ECT2: variants seen among roughly 807,000 people sequenced by gnomAD.
ECT2 encodes the protein epithelial cell transforming 2.
ECT2 carries 61 observed loss-of-function variants against 116.9 expected under a neutral mutation model. The ratio of observed to expected loss-of-function variants is 0.52; its 90% CI spans 0.42 to 0.65. ECT2 has a LOEUF of 0.65. Ranked by LOEUF, ECT2 falls within the 30% of genes least tolerant of loss-of-function variation. The pLI is 0.00. For synonymous variants in ECT2, 358 were observed against 346.4 expected (o/e 1.03, Z -0.37); for missense variants, 937 against 1,078.7 (o/e 0.87, Z 1.84).
intron 20 of ECT2, among the ~76,000 whole-genome samples, chr3:172,804,633 G>A (rs1490006022): frequency 6.6e-6 from 1 of 152,052 alleles, no homozygotes; most frequent in Non-Finnish European, 1.5e-5. Context: ...TTTCCTGTTG[G>A]AGTCCCTAGG....
intron 23 of ECT2, 113 bp downstream of exon 23, chr3:172,815,824 T>C: frequency 1.4e-6 from 1 of 709,318 alleles, no homozygotes; most frequent in East Asian, 2.9e-5. Flanking sequence ...ACAAAGCTGT[T>C]CTTCGGTTCT....
rs747908120 is a variant in ECT2, at chr3:172,783,763, C to T, written c.1618-36C>T. 6.0e-6 allele frequency: 8 copies of T among 1,332,074 alleles called. 1 individual carries two copies. Among genetic ancestry groups the T allele is most frequent in the Non-Finnish European group, 7.5e-6 (7 of 931,710 alleles). The allele number at this position is 1,332,074 out of a possible 1,614,324, so 82.5% of individuals were successfully genotyped here. ...ACATTGTCTCTAAGGGTGACAAATGCATAATAAATAATGTTTTTTTCCCTT... is the reference window on the plus strand; with the variant it reads ...ACATTGTCTCTAAGGGTGACAAATGTATAATAAATAATGTTTTTTTCCCTT... On this transcript the variant is annotated intron_variant, in intron 15 of 24. Transcript: ENST00000392692.
chr3:172,786,105 A>G (rs1723566725), intron 17 of ECT2, among the ~76,000 whole-genome samples: 1 of 152,192 alleles, frequency 6.6e-6, no homozygotes, highest in Non-Finnish European at 1.5e-5. Context: ...TAAAGATACC[A>G]GATGCTCTCT....
In ECT2 at chr3:172,787,325, G is replaced by A. The variant is rs148888756; in HGVS notation, c.1907+751G>A. Among the ~76,000 whole-genome samples, 251 of 151,632 alleles carry A rather than the reference G, an allele frequency of 1.7e-3. 2 individuals carry two copies. Among genetic ancestry groups the A allele is most frequent in the Admixed American group, 0.012 (178 of 15,182 alleles). On this transcript the variant is annotated intron_variant, in intron 18 of 24. Coordinates refer to ENST00000392692, the MANE Select transcript of ECT2 (RefSeq NM_001258315.2). The stretch of plus-strand genomic sequence containing the variant: ...AGAAGGGCTCTTAAGGAGAAACTTC[G>A]TTAGCTCTAGAGAGGGGATTCAGCG...
At chr3:172,809,366 A>G (rs2109173727) in intron 22 of ECT2, among the ~76,000 whole-genome samples, 1 of 152,292 alleles carries the variant, frequency 6.6e-6, no homozygotes, top group South Asian at 2.1e-4. Flanking sequence ...AGATGGCAGC[A>G]AACGTTTAAC....
chr3:172,759,126 T>C, intron 6 of ECT2, 57 bp downstream of exon 6: 1 of 1,298,652 alleles, frequency 7.7e-7, no homozygotes, highest in Non-Finnish European at 1.1e-6. Context: ...AAATTAAAAT[T>C]GGCTTTTTTT....
downstream of ECT2, among the ~76,000 whole-genome samples, chr3:172,821,758 T>G (rs932675322): frequency 6.6e-6 from 1 of 151,886 alleles, no homozygotes; most frequent in Non-Finnish European, 1.5e-5. Flanking sequence ...CAATTGTTAT[T>G]TTTTTGGAGG....
intron 14 of ECT2, 52 bp downstream of exon 14, chr3:172,774,074 T>A (rs1412650662): frequency 6.4e-7 from 1 of 1,560,316 alleles, no homozygotes; most frequent in East Asian, 2.2e-5. Flanking sequence ...TTGTACATAT[T>A]TATTATGATC....
At position 172,774,496 on chromosome 3, in the gene ECT2, G is replaced by T. The variant is rs966624043; in HGVS notation, c.1548+474G>T. 2.0e-5 allele frequency among the ~76,000 whole-genome samples: 3 copies of T among 148,784 alleles called. No homozygotes were observed. In the East Asian group the frequency reaches 5.8e-4, roughly 29 times the overall value. On this transcript the variant is annotated intron_variant, in intron 14 of 24. Coordinates refer to ENST00000392692, the MANE Select transcript of ECT2 (RefSeq NM_001258315.2). ...TCTTAGGTATGAGACACCATGCCCT[G>T]CCTTTTTTTTTCGAGATGGAGAATA...
intron 20 of ECT2, among the ~76,000 whole-genome samples, chr3:172,804,107 C>T (rs1239063497): frequency 6.6e-6 from 1 of 152,040 alleles, no homozygotes; most frequent in African/African-American, 2.4e-5. Flanking sequence ...ACTGCACCTG[C>T]CTCCTTTTTC....
downstream of ECT2, among the ~76,000 whole-genome samples, chr3:172,826,187 G>A (rs757936799): frequency 1.6e-4 from 25 of 152,170 alleles, no homozygotes; most frequent in Non-Finnish European, 3.5e-4. Context: ...GAGCCACCTC[G>A]CCCGGTCAAT....
chr3:172,762,999 G>A, intron 11 of ECT2, 27 bp downstream of exon 11: 12 of 1,607,510 alleles, frequency 7.5e-6, no homozygotes, highest in Non-Finnish European at 9.4e-6. Context: ...TTACTTATTT[G>A]TTCTGTGAGC....
At chr3:172,756,643 T>C (rs1717041779) in intron 4 of ECT2, among the ~76,000 whole-genome samples, 1 of 152,226 alleles carries the variant, frequency 6.6e-6, no homozygotes, top group Non-Finnish European at 1.5e-5. Flanking sequence ...AAAATGCATG[T>C]ACTTAAAAAC....
chr3:172,762,148 A>G (rs1009093733), intron 8 of ECT2, among the ~76,000 whole-genome samples: 2 of 152,238 alleles, frequency 1.3e-5, no homozygotes, highest in Non-Finnish European at 2.9e-5. Flanking sequence ...AACACAGTAC[A>G]TATAAATCTT....
rs1308555951 is a variant in ECT2, at chr3:172,821,367, A to G, written c.*1130A>G. 1 of 151,922 alleles carries G rather than the reference A, an allele frequency of 6.6e-6. No individual in the cohort carries two copies. Among genetic ancestry groups the G allele is most frequent in the African/African-American group, 2.4e-5 (1 of 41,458 alleles). 9.4% of individuals were successfully genotyped at this position (151,922 alleles called of 1,614,324 possible). ...GTTAACTGACTATAGATTGTTTTCTATGCCATGTATGTGCCACTTCTGAGA... is the reference window on the plus strand; with the variant it reads ...GTTAACTGACTATAGATTGTTTTCTGTGCCATGTATGTGCCACTTCTGAGA... On this transcript the variant is annotated 3_prime_UTR_variant, in exon 25 of 25. Transcript: ENST00000392692.
At chr3:172,787,540 T>A (rs948786135) in intron 18 of ECT2, among the ~76,000 whole-genome samples, 3 of 152,148 alleles carry the variant, frequency 2.0e-5, no homozygotes, top group Non-Finnish European at 4.4e-5. Context: ...TTTTGTTTTG[T>A]TTTCTTTTTT....
At chr3:172,806,714 G>A (rs1395076935) in intron 21 of ECT2, among the ~76,000 whole-genome samples, 4 of 128,310 alleles carry the variant, frequency 3.1e-5, no homozygotes, top group South Asian at 5.2e-4. Flanking sequence ...GTGCAGTGGC[G>A]CAAACTTGGT....
At chr3:172,762,260 C>G (rs1426373089) in intron 8 of ECT2, among the ~76,000 whole-genome samples, 156 bp from the exon 9 acceptor site, 14 of 152,116 alleles carry the variant, frequency 9.2e-5, no homozygotes, top group Non-Finnish European at 7.4e-5. Flanking sequence ...TTTTTTTAAA[C>G]TGAAGTTTTT....
chr3:172,762,573 A>G (rs1460650475), intron 9 of ECT2, 27 bp downstream of exon 9: 2 of 1,582,870 alleles, frequency 1.3e-6, no homozygotes, highest in African/African-American at 2.7e-5. Flanking sequence ...TGTAAAAGTT[A>G]TATCTATTTT....
Sources: allele counts gnomAD v4.1 joint callset (sites outside exome capture counted in the v4.1 genomes callset), GRCh38; gene constraint gnomAD v4.1.1; transcripts MANE v1.5; gene names NCBI Gene and HGNC (gene_info 2026-07-23, HGNC 2026-07-21).